The following ADAM22 variants were observed in gnomAD, a reference collection of about 807,000 sequenced individuals.
ADAM22 encodes ADAM metallopeptidase domain 22.
Under a neutral mutation model 144.6 loss-of-function variants are expected in ADAM22, and 65 were observed. The observed-to-expected ratio is 0.45, with a 90% CI of 0.37 to 0.55. ADAM22 has a LOEUF of 0.55. Ranked by LOEUF, ADAM22 falls within the 20% of genes least tolerant of loss-of-function variation. The pLI, the probability that ADAM22 is intolerant of heterozygous loss-of-function variation, is 0.00. For missense variants in ADAM22, 974 were observed against 1,184.9 expected, an observed-to-expected ratio of 0.82 and a Z score of 2.61; for synonymous variants, 391 against 412.6, an observed-to-expected ratio of 0.95 and a Z score of 0.63.
At chr7:87,996,657 G>T (rs1036734609) in intron 3 of ADAM22, among the ~76,000 whole-genome samples, 7 of 152,178 alleles carry the variant, frequency 4.6e-5, no homozygotes, top group Non-Finnish European at 1.0e-4. Context: ...ATAGAAAAAG[G>T]TTTACCCCAT....
At position 88,197,587 on chromosome 7, in the gene ADAM22, T is replaced by C. The variant is rs1850817728; in HGVS notation, c.*1096T>C. 6.6e-6 allele frequency: 1 copy of C among 152,166 alleles called. No homozygotes were observed. 9.4% of individuals were successfully genotyped at this position (152,166 alleles called of 1,614,324 possible). On this transcript the variant is annotated 3_prime_UTR_variant, in exon 32 of 32. Coordinates refer to ENST00000413139, the MANE Select transcript of ADAM22 (RefSeq NM_001324418.2). Reference sequence around the variant, plus strand: ...CTGCCAGTGAGCTGGTAGCTTCTGGTTTGCCAATACTCTAACCCTTTGTGG... The same window carrying C: ...CTGCCAGTGAGCTGGTAGCTTCTGGCTTGCCAATACTCTAACCCTTTGTGG...
At chr7:88,144,022 G>A (rs1835584361) in intron 15 of ADAM22, among the ~76,000 whole-genome samples, 1 of 152,154 alleles carries the variant, frequency 6.6e-6, no homozygotes, top group Non-Finnish European at 1.5e-5. Context: ...TTATCATTTG[G>A]ATAAGTTTCC....
intron 3 of ADAM22, among the ~76,000 whole-genome samples, chr7:88,041,685 C>CT (rs1803170668): frequency 6.6e-6 from 1 of 151,942 alleles, no homozygotes; most frequent in Admixed American, 6.6e-5. Context: ...ATTTAACATG[C>CT]TTTTTTCCCT....
intron 2 of ADAM22, among the ~76,000 whole-genome samples, chr7:87,955,008 G>C (rs1385184259): frequency 6.6e-6 from 1 of 152,092 alleles, no homozygotes; most frequent in African/African-American, 2.4e-5. Flanking sequence ...GCACTTCTCT[G>C]TATTGGTTAT....
intron 5 of ADAM22, among the ~76,000 whole-genome samples, chr7:88,112,467 C>T (rs1826298063): frequency 6.6e-6 from 1 of 152,152 alleles, no homozygotes; most frequent in South Asian, 2.1e-4. Context: ...ATCATTTCTA[C>T]CAAAAACTAA....
At chr7:88,163,551 G>A (rs1172504675) in intron 23 of ADAM22, among the ~76,000 whole-genome samples, 2 of 152,012 alleles carry the variant, frequency 1.3e-5, no homozygotes, top group Non-Finnish European at 2.9e-5. Context: ...TAAAAACGAT[G>A]TGGTCTGGGC....
intron 26 of ADAM22, among the ~76,000 whole-genome samples, chr7:88,172,551 T>A (rs1180678766): frequency 6.6e-6 from 1 of 151,894 alleles, no homozygotes; most frequent in Non-Finnish European, 1.5e-5. Context: ...ACAACTTTCA[T>A]TTTTTTCACA....
intron 14 of ADAM22, among the ~76,000 whole-genome samples, chr7:88,139,730 A>G (rs1167676184): frequency 2.0e-5 from 3 of 150,578 alleles, no homozygotes; most frequent in African/African-American, 7.5e-5. Flanking sequence ...AAAGCAGTGT[A>G]TCCCTGAGCT....
chr7:88,080,571 A>T lies in ADAM22; in HGVS notation c.390+4879A>T, dbSNP rs555663602. On this transcript the variant is annotated intron_variant, in intron 4 of 31. Coordinates refer to ENST00000413139, the MANE Select transcript of ADAM22 (RefSeq NM_001324418.2). The stretch of plus-strand genomic sequence containing the variant: ...ATGAATCCAGGAGCTGGTTTTTTTT[A>T]AAAGATCAACAAAATTGATAGACCG... 3.0e-3 allele frequency among the ~76,000 whole-genome samples: 462 copies of T among 152,244 alleles called. 2 individuals are homozygous for T. The highest frequency in any genetic ancestry group is 0.011 in the African/African-American group (442 of 41,540).
chr7:88,062,673 A>G (rs2129477065), intron 3 of ADAM22, among the ~76,000 whole-genome samples: 1 of 152,330 alleles, frequency 6.6e-6, no homozygotes, highest in Admixed American at 6.5e-5. Context: ...TAAGAGGTTT[A>G]GTTTTTGACT....
chr7:88,021,872 A>AT lies in ADAM22; in HGVS notation c.323+43472dup, dbSNP rs113122150. Reference sequence around the variant, plus strand: ...TGGAATTTCTTCCTTCTCTCATTACATTTTTTTTTTTTCTTTTTGAGACAG... The same window carrying AT: ...TGGAATTTCTTCCTTCTCTCATTACATTTTTTTTTTTTTCTTTTTGAGACAG... On this transcript the variant is annotated intron_variant, in intron 3 of 31. Coordinates refer to ENST00000413139, the MANE Select transcript of ADAM22 (RefSeq NM_001324418.2). 3.0e-3 allele frequency among the ~76,000 whole-genome samples: 429 copies of AT among 143,948 alleles called. 2 individuals carry two copies. The highest frequency in any genetic ancestry group is 0.018 in the Middle Eastern group (5 of 276). 94.4% of individuals were successfully genotyped at this position (143,948 alleles called of 152,430 possible).
chr7:88,173,720 TGGTAGGGAGACCAGTCCACAA>T (rs1031846155), intron 26 of ADAM22, among the ~76,000 whole-genome samples: 2 of 152,112 alleles, frequency 1.3e-5, no homozygotes, highest in East Asian at 3.8e-4. Context: ...TGAGGTTCCA[TGGTAGGGAGACCAGTCCACAA>T]GGAATCAGAA....
rs1053371129 is a variant in ADAM22, at chr7:88,150,641, T to G, written c.1567-340T>G. On this transcript the variant is annotated intron_variant, in intron 18 of 31. Transcript: ENST00000413139. ...TATATCTGTATGAATCAAGATACTTTTAAATGTATCATTAATTGAGTCTAT... is the reference window on the plus strand; with the variant it reads ...TATATCTGTATGAATCAAGATACTTGTAAATGTATCATTAATTGAGTCTAT... Among the ~76,000 whole-genome samples, 10 of 152,238 alleles carry G rather than the reference T, an allele frequency of 6.6e-5. No homozygotes were observed. The South Asian group carries it at 2.1e-3, about 32-fold the overall frequency.
At chr7:88,169,356 T>G (rs147926568) in intron 25 of ADAM22, among the ~76,000 whole-genome samples, 328 of 152,168 alleles carry the variant, frequency 2.2e-3, no homozygotes, top group Middle Eastern at 3.4e-3. Context: ...TACAGCACAG[T>G]AGTAAGCTTT....
intron 2 of ADAM22, among the ~76,000 whole-genome samples, chr7:87,952,964 T>C (rs1353083761): frequency 6.6e-6 from 1 of 152,238 alleles, no homozygotes; most frequent in Non-Finnish European, 1.5e-5. Flanking sequence ...TGGTAGTTTG[T>C]ATTTCTGTGG....
chr7:88,112,120 T>C (rs190106143), intron 5 of ADAM22, among the ~76,000 whole-genome samples: 7 of 152,338 alleles, frequency 4.6e-5, no homozygotes, highest in African/African-American at 1.7e-4. Context: ...CCATATTTGG[T>C]CTACGTTTTT....
intron 2 of ADAM22, among the ~76,000 whole-genome samples, chr7:87,944,028 T>G (rs1842969545): frequency 6.6e-6 from 1 of 152,238 alleles, no homozygotes; most frequent in Non-Finnish European, 1.5e-5. Flanking sequence ...TTTAAAATTT[T>G]CTAGCTGAGG....
intron 3 of ADAM22, among the ~76,000 whole-genome samples, chr7:88,048,985 C>T (rs1296055955): frequency 6.6e-6 from 1 of 152,136 alleles, no homozygotes; most frequent in Non-Finnish European, 1.5e-5. Context: ...TTTAGAAAGG[C>T]CCTTCTCATT....
chr7:88,039,718 C>T (rs1447280395), intron 3 of ADAM22, among the ~76,000 whole-genome samples: 1 of 151,334 alleles, frequency 6.6e-6, no homozygotes, highest in Non-Finnish European at 1.5e-5. Context: ...GAATGAGCCA[C>T]TTTTCTTTTT....
Sources: gnomAD v4.1 joint callset for allele counts (sites outside exome capture counted in the v4.1 genomes callset) on GRCh38, gnomAD v4.1.1 for gene constraint, MANE v1.5 for transcripts, NCBI Gene and HGNC (gene_info 2026-07-23, HGNC 2026-07-21) for gene names.